Variants in ATP9B observed in about 807,000 individuals in gnomAD.
ATP9B encodes ATPase phospholipid transporting 9B.
A neutral mutation model predicts 146.1 loss-of-function variants in ATP9B; 110 were observed. The ratio of observed to expected loss-of-function variants is 0.75; its 90% confidence interval spans 0.65 to 0.88. The LOEUF is 0.88. Among genes scored for constraint, ATP9B ranks in the 40% least tolerant of loss-of-function variants. The probability of loss-of-function intolerance (pLI) is 0.00; values close to 1 mark genes in which losing one functional copy is unlikely to be tolerated. For synonymous variants in ATP9B, 604 were observed against 569.7 expected, an observed-to-expected ratio of 1.06 and a Z score of -0.86; for missense variants, 1,499 against 1,496.4, an observed-to-expected ratio of 1.00 and a Z score of -0.03.
At chr18:79,170,304 G>A (rs907306556) in intron 7 of ATP9B, among the ~76,000 whole-genome samples, 3 of 152,202 alleles carry the variant, frequency 2.0e-5, no homozygotes, top group African/African-American at 7.2e-5. Context: ...GTGATAAACA[G>A]GATGGGGAAC....
chr18:79,137,019 A>G (rs1265219707), intron 5 of ATP9B, among the ~76,000 whole-genome samples: 2 of 152,192 alleles, frequency 1.3e-5, no homozygotes, highest in Admixed American at 6.5e-5. Flanking sequence ...CCCTCCCACA[A>G]CATGTGGGGA....
chr18:79,168,048 A>T (rs559605554), intron 7 of ATP9B, among the ~76,000 whole-genome samples: 1 of 152,304 alleles, frequency 6.6e-6, no homozygotes, highest in East Asian at 1.9e-4. Flanking sequence ...TCGGAAGGGG[A>T]TGGGGATCCT....
intron 6 of ATP9B, among the ~76,000 whole-genome samples, chr18:79,153,770 C>T (rs2094727842): frequency 6.6e-6 from 1 of 151,654 alleles, no homozygotes; most frequent in South Asian, 2.1e-4. Flanking sequence ...CAGCCCTCAG[C>T]CTCCCTAGTA....
chr18:79,293,105 CAG>C (rs1176306676), intron 13 of ATP9B, among the ~76,000 whole-genome samples: 5 of 150,756 alleles, frequency 3.3e-5, no homozygotes, highest in Non-Finnish European at 7.4e-5. Context: ...GGAGAAAGAA[CAG>C]TGTTTTCAAC....
chr18:79,216,653 T>G (rs557734843), intron 11 of ATP9B, among the ~76,000 whole-genome samples: 1 of 152,314 alleles, frequency 6.6e-6, no homozygotes, highest in Admixed American at 6.5e-5. Flanking sequence ...GCCTAGAAAT[T>G]CTTCCAGTTT....
chr18:79,277,059 G>C lies in ATP9B; in HGVS notation c.1274G>C (p.Arg425Pro), dbSNP rs149013492. Reference protein sequence around the residue: ...LFSYIIPISLRVNLDMGKAVY... With the variant: ...LFSYIIPISLPVNLDMGKAVY... The stretch of plus-strand genomic sequence containing the variant: ...CAATGGGTTTTATTTGGCAGTTTGC[G>C]TGTGAACTTGGACATGGGCAAAGCG... Residue 425 changes from arginine (R) to proline (P), a missense_variant, in exon 13 of 30, where the codon CGT (arginine) becomes CCT (proline). Transcript: ENST00000426216. The C allele has an allele frequency of 6.2e-7, 1 of 1,614,166 alleles. No individual in the cohort carries two copies. Among genetic ancestry groups the C allele is most frequent in the South Asian group, 1.1e-5 (1 of 91,074 alleles).
intron 13 of ATP9B, among the ~76,000 whole-genome samples, chr18:79,282,212 C>G (rs965402485): frequency 1.3e-5 from 2 of 152,244 alleles, no homozygotes; most frequent in Admixed American, 6.5e-5. Flanking sequence ...GGAGAAGATG[C>G]TATGAATGTT....
intron 14 of ATP9B, among the ~76,000 whole-genome samples, chr18:79,304,757 T>C (rs564480624): frequency 1.2e-4 from 18 of 152,330 alleles, no homozygotes; most frequent in African/African-American, 4.1e-4. Context: ...ATTTGCATTT[T>C]TTTGTGCCTG....
At chr18:79,226,034 C>T (rs1480296436) in intron 11 of ATP9B, among the ~76,000 whole-genome samples, 1 of 152,190 alleles carries the variant, frequency 6.6e-6, no homozygotes, top group Non-Finnish European at 1.5e-5. Flanking sequence ...GCTCTCAGGC[C>T]CTTCAGCTTC....
At chr18:79,251,918 G>A (rs2096028080) in intron 11 of ATP9B, among the ~76,000 whole-genome samples, 1 of 152,210 alleles carries the variant, frequency 6.6e-6, no homozygotes, top group African/African-American at 2.4e-5. Context: ...TAACTAACCT[G>A]ATAGAATTTA....
At chr18:79,237,809 C>T (rs2095856244) in intron 11 of ATP9B, among the ~76,000 whole-genome samples, 1 of 151,962 alleles carries the variant, frequency 6.6e-6, no homozygotes, top group Non-Finnish European at 1.5e-5. Context: ...ACCTCCGCTT[C>T]CTGAGTAACT....
At chr18:79,318,169 C>T (rs767968080) in intron 15 of ATP9B, among the ~76,000 whole-genome samples, 4 of 152,238 alleles carry the variant, frequency 2.6e-5, no homozygotes, top group Non-Finnish European at 4.4e-5. Flanking sequence ...CTACTGAACC[C>T]GCAGGTTGGG....
At chr18:79,178,418 G>C (rs1379482068) in intron 8 of ATP9B, among the ~76,000 whole-genome samples, 12 of 152,090 alleles carry the variant, frequency 7.9e-5, no homozygotes, top group Non-Finnish European at 1.6e-4. Context: ...GTGCTTGTTT[G>C]CCATCTGCTT....
intron 10 of ATP9B, 69 bp from the exon 11 acceptor site, chr18:79,213,893 A>T: frequency 9.0e-7 from 1 of 1,108,024 alleles, no homozygotes; most frequent in Non-Finnish European, 1.3e-6. Flanking sequence ...CAAAACAATT[A>T]ATTAGAAAGT....
chr18:79,336,501 G>A, intron 17 of ATP9B, 127 bp from the exon 18 acceptor site: 1 of 758,710 alleles, frequency 1.3e-6, no homozygotes, highest in Non-Finnish European at 2.2e-6. Flanking sequence ...TCTGGCCTTG[G>A]TGATGAAGGT....
intron 15 of ATP9B, among the ~76,000 whole-genome samples, chr18:79,320,820 G>A (rs971084238): frequency 6.6e-6 from 1 of 151,216 alleles, no homozygotes; most frequent in African/African-American, 2.4e-5. Flanking sequence ...TTTTACGTTG[G>A]GAGGGAGCTT....
At chr18:79,102,699 G>A (rs1015750275) in intron 2 of ATP9B, among the ~76,000 whole-genome samples, 16 of 152,048 alleles carry the variant, frequency 1.1e-4, no homozygotes, top group Admixed American at 9.8e-4. Context: ...GACTTGTGTT[G>A]AACCTATATA....
chr18:79,245,403 T>C (rs1287388966), intron 11 of ATP9B, among the ~76,000 whole-genome samples: 2 of 151,488 alleles, frequency 1.3e-5, no homozygotes, highest in African/African-American at 2.4e-5. Flanking sequence ...CATTTAAAAT[T>C]GATGCCTTCC....
At chr18:79,236,811 C>T (rs1393444847) in intron 11 of ATP9B, among the ~76,000 whole-genome samples, 2 of 141,978 alleles carry the variant, frequency 1.4e-5, no homozygotes, top group Admixed American at 6.9e-5. Flanking sequence ...GTACACGGTC[C>T]GTGCACGAGT....
Sources: gnomAD v4.1 joint callset for allele counts (sites outside exome capture counted in the v4.1 genomes callset) on GRCh38, gnomAD v4.1.1 for gene constraint, MANE v1.5 for transcripts, NCBI Gene and HGNC (gene_info 2026-07-23, HGNC 2026-07-21) for gene names.